The following DGKB variants were observed in gnomAD, a reference collection of about 807,000 sequenced individuals.
DGKB encodes 90 kDa diacylglycerol kinase.
Under a neutral mutation model 114.3 loss-of-function variants are expected in DGKB, and 67 were observed. The observed-to-expected ratio is 0.59, with a 90% CI of 0.48 to 0.72. The LOEUF (loss-of-function observed/expected upper bound fraction) is 0.72. DGKB is among the 30% of genes least tolerant of loss of function. The probability of loss-of-function intolerance (pLI) is 0.00; values close to 1 mark genes in which losing one functional copy is unlikely to be tolerated. For synonymous variants in DGKB, 398 were observed against 323.1 expected (o/e 1.23, Z -2.49); for missense variants, 907 against 975.2 (o/e 0.93, Z 0.93).
chr7:14,501,612 A>G (rs748994567), intron 20 of DGKB, among the ~76,000 whole-genome samples: 23 of 151,890 alleles, frequency 1.5e-4, no homozygotes, highest in Non-Finnish European at 2.7e-4. Context: ...CATCTCCAGG[A>G]AGCTGAACTG....
intron 2 of DGKB, among the ~76,000 whole-genome samples, chr7:14,839,407 CTTTTTTT>C (rs911581318): frequency 7.6e-5 from 10 of 130,950 alleles, no homozygotes; most frequent in African/African-American, 2.6e-4. Flanking sequence ...TCTTCTTCTT[CTTTTTTT>C]TTTTTTTTTT....
intron 21 of DGKB, among the ~76,000 whole-genome samples, chr7:14,427,320 C>T (rs146022802): frequency 1.8e-4 from 27 of 152,250 alleles, no homozygotes; most frequent in African/African-American, 6.3e-4. Context: ...CCATCAGCCT[C>T]AGCCTCAATT....
chr7:14,456,462 C>G (rs1832300669), intron 21 of DGKB, among the ~76,000 whole-genome samples: 1 of 151,996 alleles, frequency 6.6e-6, no homozygotes, highest in African/African-American at 2.4e-5. Flanking sequence ...TATACCTGCA[C>G]AAAACAATCC....
intron 2 of DGKB, among the ~76,000 whole-genome samples, chr7:14,827,906 C>T (rs1408557031): frequency 7.9e-6 from 1 of 126,426 alleles, no homozygotes; most frequent in African/African-American, 3.2e-5. Context: ...AGATAGACAA[C>T]AGAAATATGA....
chr7:14,655,468 C>T (rs1442966838), intron 13 of DGKB, among the ~76,000 whole-genome samples: 2 of 151,690 alleles, frequency 1.3e-5, no homozygotes, highest in Admixed American at 1.3e-4. Flanking sequence ...TTATGAAAAA[C>T]AGTATGGAGG....
At chr7:14,624,897 G>T (rs1414586567) in intron 14 of DGKB, among the ~76,000 whole-genome samples, 1 of 152,070 alleles carries the variant, frequency 6.6e-6, no homozygotes, top group East Asian at 1.9e-4. Context: ...TACTCTGGAA[G>T]CTGAAGTGGG....
At chr7:14,924,006 C>CAAAAAAAAAAAAAAAA (rs1554345961) in intron 1 of DGKB, among the ~76,000 whole-genome samples, 1 of 90,682 alleles carries the variant, frequency 1.1e-5, no homozygotes, top group Non-Finnish European at 1.8e-5. Flanking sequence ...AAAAAAAAAG[C>CAAAAAAAAAAAAAAAA]TTTGTCCTAT....
intron 13 of DGKB, among the ~76,000 whole-genome samples, chr7:14,667,282 C>T (rs1208145781): frequency 6.6e-6 from 1 of 151,922 alleles, no homozygotes; most frequent in Non-Finnish European, 1.5e-5. Context: ...GGCTATGGAT[C>T]TTGACCTTGT....
intron 24 of DGKB, 41 bp downstream of exon 24, chr7:14,177,990 G>A (rs764779582): frequency 2.6e-6 from 4 of 1,512,586 alleles, no homozygotes; most frequent in Non-Finnish European, 3.5e-6. Context: ...TTGAGGCTAT[G>A]CCATATCAAA....
intron 1 of DGKB, among the ~76,000 whole-genome samples, chr7:14,845,521 C>T (rs995732723): frequency 4.6e-5 from 7 of 152,160 alleles, no homozygotes; most frequent in African/African-American, 1.7e-4. Context: ...TCTGCATCAC[C>T]ATCCTGCGCT....
At chr7:14,774,766 A>G (rs1482214416) in intron 2 of DGKB, among the ~76,000 whole-genome samples, 3 of 152,186 alleles carry the variant, frequency 2.0e-5, no homozygotes, top group African/African-American at 4.8e-5. Flanking sequence ...AGATTTTTAA[A>G]AAACAATGTG....
At chr7:14,519,523 A>G (rs760065049) in intron 20 of DGKB, among the ~76,000 whole-genome samples, 18 of 152,122 alleles carry the variant, frequency 1.2e-4, no homozygotes, top group Non-Finnish European at 5.9e-5. Context: ...GTTTTTGGCT[A>G]TAAAGAATAA....
chr7:14,301,994 C>T (rs939920534), intron 23 of DGKB, among the ~76,000 whole-genome samples: 10 of 152,052 alleles, frequency 6.6e-5, no homozygotes, highest in African/African-American at 2.2e-4. Flanking sequence ...CTCACAAGGA[C>T]CACAGCTTTG....
At chr7:14,974,412 C>G (rs1391753501) in intron 1 of DGKB, among the ~76,000 whole-genome samples, 1 of 152,042 alleles carries the variant, frequency 6.6e-6, no homozygotes, top group African/African-American at 2.4e-5. Flanking sequence ...TGACTCACTT[C>G]TATCTTTAAA....
intron 20 of DGKB, among the ~76,000 whole-genome samples, chr7:14,520,991 G>T (rs1338290453): frequency 1.3e-5 from 2 of 151,820 alleles, no homozygotes; most frequent in Non-Finnish European, 2.9e-5. Context: ...TATATGAGAG[G>T]GGTTTTTTCT....
chr7:14,941,936 A>G (rs1349775168), intron 1 of DGKB, among the ~76,000 whole-genome samples: 1 of 152,038 alleles, frequency 6.6e-6, no homozygotes, highest in African/African-American at 2.4e-5. Context: ...TCAGTAAGTA[A>G]TCATATATTT....
chr7:14,661,608 G>T (rs1259416460), intron 13 of DGKB, among the ~76,000 whole-genome samples: 1 of 152,066 alleles, frequency 6.6e-6, no homozygotes, highest in Non-Finnish European at 1.5e-5. Flanking sequence ...CTGCTGGTAG[G>T]ACTGTAAACT....
chr7:14,624,907 G>A (rs1480965286), intron 14 of DGKB, among the ~76,000 whole-genome samples: 1 of 152,046 alleles, frequency 6.6e-6, no homozygotes, highest in African/African-American at 2.4e-5. Flanking sequence ...GCTGAAGTGG[G>A]AGGATCACTG....
At chr7:14,860,428 T>C (rs217548) in intron 1 of DGKB, among the ~76,000 whole-genome samples, 145,774 of 151,980 alleles carry the variant, frequency 0.96, 70,171 homozygotes, top group East Asian at 1. Flanking sequence ...TATGTGTGCT[T>C]GATGCCTAAC....
Sources: allele counts gnomAD v4.1 joint callset (sites outside exome capture counted in the v4.1 genomes callset), GRCh38; gene constraint gnomAD v4.1.1; transcripts MANE v1.5; gene names NCBI Gene and HGNC (gene_info 2026-07-23, HGNC 2026-07-21).